Variants in PARP12 observed in about 807,000 individuals in gnomAD.
PARP12 encodes protein mono-ADP-ribosyltransferase PARP12.
Under a neutral mutation model 72.4 loss-of-function variants are expected in PARP12, and 59 were observed. The ratio of observed to expected loss-of-function variants is 0.81; its 90% CI spans 0.66 to 1.01. PARP12 has a LOEUF of 1.01. Among genes scored for constraint, PARP12 ranks in the 50% least tolerant of loss-of-function variants. The pLI, the probability that PARP12 is intolerant of heterozygous loss-of-function variation, is 0.00. For missense variants in PARP12, 851 were observed against 914.0 expected (o/e 0.93, Z 0.89); for synonymous variants, 403 against 371.4 (o/e 1.09, Z -0.98).
At chr7:140,028,586 C>G in intron 9 of PARP12, 27 bp downstream of exon 9, 1 of 1,545,578 alleles carries the variant, frequency 6.5e-7, no homozygotes, top group South Asian at 1.2e-5. Flanking sequence ...ACCTTCCTGT[C>G]CAGCCCCAGG....
At chr7:140,034,214 A>G in intron 8 of PARP12, 21 bp downstream of exon 8, 1 of 1,608,466 alleles carries the variant, frequency 6.2e-7, no homozygotes, top group African/African-American at 1.3e-5. Context: ...CCTAAGTACC[A>G]AGCCCCCCAC....
chr7:140,051,887 C>T (rs1816976913), intron 4 of PARP12, among the ~76,000 whole-genome samples: 1 of 152,182 alleles, frequency 6.6e-6, no homozygotes, highest in Non-Finnish European at 1.5e-5. Flanking sequence ...AAAGTTTTGG[C>T]TTTCTCAAGA....
rs1817439681 is a variant in PARP12, at chr7:140,061,450, CAT to C, written c.326+1070_326+1071del. ...GAAATATCTACTCTATTAAGACAAA[CAT>C]ACACACACACACACAAAACAGGGAG... is the stretch of plus-strand genomic sequence containing the variant. On this transcript the variant is annotated intron_variant, in intron 1 of 11. Transcript: ENST00000263549. Among the ~76,000 whole-genome samples the C allele has an allele frequency of 3.3e-5, 5 of 151,284 alleles. No homozygotes were observed. In the South Asian group the frequency reaches 1.0e-3, roughly 31 times the overall value.
intron 1 of PARP12, among the ~76,000 whole-genome samples, chr7:140,058,798 G>A (rs747420867): frequency 3.3e-4 from 51 of 152,280 alleles, no homozygotes; most frequent in Middle Eastern, 3.4e-3. Context: ...AAGCACCAGA[G>A]AAAAACCAGC....
At chr7:140,053,078 A>C (rs1485937332) in intron 4 of PARP12, among the ~76,000 whole-genome samples, 3 of 102,638 alleles carry the variant, frequency 2.9e-5, no homozygotes, top group Admixed American at 9.8e-5. Flanking sequence ...GACATAACCC[A>C]GTAACTATGT....
chr7:140,036,946 C>T (rs372841627), intron 7 of PARP12, among the ~76,000 whole-genome samples: 2 of 152,246 alleles, frequency 1.3e-5, no homozygotes, highest in South Asian at 4.1e-4. Context: ...CATGAGTGCA[C>T]GAAAATCTGC....
chr7:140,033,002 A>T (rs1816001698), intron 8 of PARP12, among the ~76,000 whole-genome samples: 3 of 151,996 alleles, frequency 2.0e-5, no homozygotes, highest in African/African-American at 4.8e-5. Flanking sequence ...CCCAGGCTGG[A>T]GTGCAGTGGT....
chr7:140,058,297 G>C (rs767556525), intron 1 of PARP12, among the ~76,000 whole-genome samples: 1 of 152,096 alleles, frequency 6.6e-6, no homozygotes, highest in African/African-American at 2.4e-5. Flanking sequence ...GGATCACGAG[G>C]TCAGGAGATT....
chr7:140,057,878 C>T (rs1817252099), intron 2 of PARP12, 21 bp downstream of exon 2: 1 of 1,613,656 alleles, frequency 6.2e-7, no homozygotes, highest in African/African-American at 1.3e-5. Flanking sequence ...CTGTGGAACC[C>T]AGACTTCCCC....
At chr7:140,045,078 G>T (rs1018529691) in intron 5 of PARP12, among the ~76,000 whole-genome samples, 5 of 151,230 alleles carry the variant, frequency 3.3e-5, no homozygotes, top group Admixed American at 2.6e-4. Flanking sequence ...CACCCAGACT[G>T]GAGTGTAGTG....
intron 8 of PARP12, chr7:140,033,054 G>C: frequency 2.6e-6 from 1 of 383,752 alleles, no homozygotes; most frequent in Non-Finnish European, 3.6e-6. Flanking sequence ...CTGGGCTCAG[G>C]TGTCTCTCCC....
intron 6 of PARP12, among the ~76,000 whole-genome samples, chr7:140,039,616 G>A (rs1182275213): frequency 6.6e-6 from 1 of 152,230 alleles, no homozygotes; most frequent in Non-Finnish European, 1.5e-5. Flanking sequence ...GACATGAAAT[G>A]TTGGAGTACT....
At chr7:140,051,643 G>A (rs144603071) in intron 4 of PARP12, among the ~76,000 whole-genome samples, 243 of 152,086 alleles carry the variant, frequency 1.6e-3, no homozygotes, top group African/African-American at 5.5e-3. Context: ...CACCTGCCTC[G>A]GCCTCTCAAA....
intron 1 of PARP12, among the ~76,000 whole-genome samples, chr7:140,059,287 T>C (rs1817338797): frequency 6.6e-6 from 1 of 151,994 alleles, no homozygotes; most frequent in Non-Finnish European, 1.5e-5. Context: ...GGTAAGCAGT[T>C]AGCCACAGGC....
intron 5 of PARP12, among the ~76,000 whole-genome samples, chr7:140,042,505 G>C (rs1202826467): frequency 6.6e-6 from 1 of 152,232 alleles, no homozygotes; most frequent in East Asian, 1.9e-4. Context: ...TCCCAGGGCA[G>C]TATCGATGAG....
intron 9 of PARP12, among the ~76,000 whole-genome samples, chr7:140,028,073 C>T (rs1310384921): frequency 6.6e-6 from 1 of 152,232 alleles, no homozygotes. Context: ...GGCCAGCTGG[C>T]AGACATCAGC....
rs76628228 is a variant in PARP12, at chr7:140,033,774, C to T, written c.1421+461G>A. The T allele has an allele frequency of 4.1e-5, 41 of 989,996 alleles. 1 individual carries two copies. In the East Asian group the frequency reaches 2.4e-3, roughly 57 times the overall value. The allele number at this position is 989,996 out of a possible 1,614,324, so 61.3% of individuals were successfully genotyped here. On this transcript the variant is annotated intron_variant, in intron 8 of 11. Transcript: ENST00000263549. ...TGGGACTGAAAGAAACTCACCCTGA[C>T]GAAGCTCGCCCATTAGTGACTGCAA...
intron 3 of PARP12, among the ~76,000 whole-genome samples, chr7:140,056,527 T>C (rs896574931): frequency 6.6e-6 from 1 of 152,070 alleles, no homozygotes; most frequent in Non-Finnish European, 1.5e-5. Context: ...CATGCTCTCG[T>C]GGGGGTGAAG....
Position 140,062,914 on chromosome 7 carries a change from C to T in PARP12, c.-67G>A. 1 of 1,183,116 alleles carries T rather than the reference C, an allele frequency of 8.5e-7. No individual in the cohort carries two copies. The highest frequency in any genetic ancestry group is 1.1e-6 in the Non-Finnish European group (1 of 951,504). The allele number at this position is 1,183,116 out of a possible 1,614,324, so 73.3% of individuals were successfully genotyped here. ...GCGGACGGCGGCGGACGCTGGCTGGCGGGCGGCTCTCGCAGGGTGGAGACG... is the reference window on the plus strand; with the variant it reads ...GCGGACGGCGGCGGACGCTGGCTGGTGGGCGGCTCTCGCAGGGTGGAGACG... On this transcript the variant is annotated 5_prime_UTR_variant, in exon 1 of 12. Coordinates refer to ENST00000263549, the MANE Select transcript of PARP12 (RefSeq NM_022750.4).
Sources: allele counts gnomAD v4.1 joint callset (sites outside exome capture counted in the v4.1 genomes callset), GRCh38; gene constraint gnomAD v4.1.1; transcripts MANE v1.5; gene names NCBI Gene and HGNC (gene_info 2026-07-23, HGNC 2026-07-21).